STAU2: variants seen among roughly 807,000 people sequenced by gnomAD.
The protein encoded by STAU2 is staufen double-stranded RNA binding protein 2.
Under a neutral mutation model 65.9 loss-of-function variants are expected in STAU2, and 20 were observed. The observed-to-expected ratio is 0.30, with a 90% CI of 0.21 to 0.44. The LOEUF is 0.44. STAU2 is among the 20% of genes least tolerant of loss of function. STAU2 has a pLI of 1.00. For missense variants in STAU2, 558 were observed against 683.9 expected (o/e 0.82, Z 2.05); for synonymous variants, 232 against 233.9 (o/e 0.99, Z 0.07).
rs202228553 is a variant in STAU2, at chr8:73,469,594, TC to T, written c.1531-46893del. Among the ~76,000 whole-genome samples, 837 of 152,098 alleles carry T rather than the reference TC, an allele frequency of 5.5e-3. 5 individuals carry two copies. Among genetic ancestry groups the T allele is most frequent in the African/African-American group, 0.02 (812 of 41,458 alleles). ...GAGAGGTCACTGAATCACAACCACT[TC>T]TTGTTGTCTCTAAAGAAGACAGGTT... On this transcript the variant is annotated intron_variant, in intron 13 of 14. Transcript: ENST00000524300.
chr8:73,637,629 A>C (rs1300165669), intron 6 of STAU2, among the ~76,000 whole-genome samples: 5 of 151,994 alleles, frequency 3.3e-5, no homozygotes, highest in Non-Finnish European at 7.4e-5. Context: ...TTGCCAGAAG[A>C]CCTGCACTAC....
chr8:73,629,488 A>G (rs1361718535), intron 6 of STAU2, among the ~76,000 whole-genome samples: 1 of 152,232 alleles, frequency 6.6e-6, no homozygotes, highest in South Asian at 2.1e-4. Flanking sequence ...CAATCATTAG[A>G]AGGACACGTA....
intron 13 of STAU2, among the ~76,000 whole-genome samples, chr8:73,520,534 C>T (rs1002953654): frequency 6.6e-6 from 1 of 152,160 alleles, no homozygotes; most frequent in African/African-American, 2.4e-5. Context: ...CTACTTCACC[C>T]CAAGCATTTA....
intron 13 of STAU2, among the ~76,000 whole-genome samples, chr8:73,505,104 G>C (rs1215056631): frequency 6.6e-6 from 1 of 152,004 alleles, no homozygotes; most frequent in African/African-American, 2.4e-5. Flanking sequence ...ATCATCTCTG[G>C]AAGACATTTA....
At chr8:73,620,613 C>G (rs1281195383) in intron 6 of STAU2, among the ~76,000 whole-genome samples, 1 of 152,068 alleles carries the variant, frequency 6.6e-6, no homozygotes, top group African/African-American at 2.4e-5. Context: ...TCAAATATGG[C>G]TCAATGTATG....
chr8:73,715,110 CTG>C (rs1198128619), intron 3 of STAU2, among the ~76,000 whole-genome samples: 1 of 147,264 alleles, frequency 6.8e-6, no homozygotes, highest in Non-Finnish European at 1.5e-5. Context: ...TGAAGACAAA[CTG>C]TTAACATTCA....
chr8:73,727,432 T>G (rs1168615828), intron 3 of STAU2, among the ~76,000 whole-genome samples: 1 of 152,174 alleles, frequency 6.6e-6, no homozygotes, highest in Non-Finnish European at 1.5e-5. Flanking sequence ...GTCTCATAGA[T>G]TACCTATTGT....
At chr8:73,624,590 G>T (rs1312512860) in intron 6 of STAU2, among the ~76,000 whole-genome samples, 1 of 152,168 alleles carries the variant, frequency 6.6e-6, no homozygotes, top group Non-Finnish European at 1.5e-5. Flanking sequence ...GAAGAATAGA[G>T]ATATTCACTA....
At chr8:73,597,973 T>C (rs529954178) in intron 10 of STAU2, among the ~76,000 whole-genome samples, 61 of 152,290 alleles carry the variant, frequency 4.0e-4, no homozygotes, top group African/African-American at 1.4e-3. Flanking sequence ...CCAATTATTT[T>C]ATGAGCTCTC....
At chr8:73,516,769 T>G (rs139192529) in intron 13 of STAU2, among the ~76,000 whole-genome samples, 15 of 152,280 alleles carry the variant, frequency 9.9e-5, no homozygotes, top group African/African-American at 3.6e-4. Context: ...AAGGTAATAC[T>G]CTTTAGGTTG....
At chr8:73,550,953 A>T in intron 13 of STAU2, 1 of 985,464 alleles carries the variant, frequency 1.0e-6, no homozygotes, top group Non-Finnish European at 1.2e-6. Flanking sequence ...ATACATGATC[A>T]TTCTACACAA....
chr8:73,423,868 G>T (rs2128878316), intron 13 of STAU2, among the ~76,000 whole-genome samples: 1 of 152,248 alleles, frequency 6.6e-6, no homozygotes, highest in Middle Eastern at 3.4e-3. Context: ...TGGTACATTT[G>T]TTATAGCTGA....
chr8:73,578,692 G>C (rs1216221622), intron 12 of STAU2, among the ~76,000 whole-genome samples: 1 of 152,134 alleles, frequency 6.6e-6, no homozygotes, highest in Non-Finnish European at 1.5e-5. Context: ...CCCAGTACAA[G>C]TAACCCACCA....
At chr8:73,477,119 A>G (rs543516170) in intron 13 of STAU2, among the ~76,000 whole-genome samples, 1 of 152,258 alleles carries the variant, frequency 6.6e-6, no homozygotes, top group East Asian at 1.9e-4. Flanking sequence ...GGAAGAGAGT[A>G]GTGCCACCTG....
chr8:73,501,020 T>C lies in STAU2; in HGVS notation c.1530+50992A>G, dbSNP rs543962800. Among the ~76,000 whole-genome samples, 56 of 152,052 alleles carry C rather than the reference T, an allele frequency of 3.7e-4. 1 individual carries two copies. Among genetic ancestry groups the C allele is most frequent in the Non-Finnish European group, 4.7e-4 (32 of 67,878 alleles). On this transcript the variant is annotated intron_variant, in intron 13 of 14. Transcript: ENST00000524300. ...AAGGCAAACACAAAAGATTCTACTA[T>C]GCTTAGATTTTAAAACATAACCAAT...
At chr8:73,506,494 G>A (rs961128832) in intron 13 of STAU2, among the ~76,000 whole-genome samples, 3 of 152,106 alleles carry the variant, frequency 2.0e-5, no homozygotes, top group African/African-American at 7.2e-5. Context: ...ATAGCATTAT[G>A]TCTAAAAAAA....
intron 13 of STAU2, among the ~76,000 whole-genome samples, chr8:73,460,526 G>A (rs9942841): frequency 0.033 from 4,987 of 152,306 alleles, 239 homozygotes; most frequent in African/African-American, 0.11. Flanking sequence ...CAGAGGTAAA[G>A]GATGGCTAAA....
At chr8:73,565,941 C>A (rs1216453547) in intron 12 of STAU2, among the ~76,000 whole-genome samples, 2 of 152,088 alleles carry the variant, frequency 1.3e-5, no homozygotes, top group African/African-American at 2.4e-5. Context: ...TAAGTAAGAA[C>A]TTACTGGATT....
chr8:73,436,312 C>T (rs569592941), intron 13 of STAU2, among the ~76,000 whole-genome samples: 3 of 151,696 alleles, frequency 2.0e-5, no homozygotes, highest in East Asian at 1.9e-4. Flanking sequence ...GTGAGCCTGA[C>T]GTTTTTCTTG....
Sources: gnomAD v4.1 joint callset for allele counts (sites outside exome capture counted in the v4.1 genomes callset) on GRCh38, gnomAD v4.1.1 for gene constraint, MANE v1.5 for transcripts, NCBI Gene and HGNC (gene_info 2026-07-23, HGNC 2026-07-21) for gene names.